RBMS3: variants seen among roughly 807,000 people sequenced by gnomAD.
RBMS3 encodes RNA-binding motif, single-stranded-interacting protein 3.
A neutral mutation model predicts 66.8 loss-of-function variants in RBMS3; 27 were observed. The observed-to-expected ratio is 0.40, with a 90% CI of 0.30 to 0.56. RBMS3 has a LOEUF of 0.56. Ranked by LOEUF, RBMS3 falls within the 20% of genes least tolerant of loss-of-function variation. The pLI is 0.40. For missense variants in RBMS3, 513 were observed against 549.5 expected, an observed-to-expected ratio of 0.93 and a Z score of 0.66; for synonymous variants, 188 against 183.0, an observed-to-expected ratio of 1.03 and a Z score of -0.22.
At chr3:29,769,311 G>A (rs1481750257) in intron 6 of RBMS3, among the ~76,000 whole-genome samples, 1 of 151,918 alleles carries the variant, frequency 6.6e-6, no homozygotes, top group Non-Finnish European at 1.5e-5. Context: ...CATAAAGCCA[G>A]TAAAGTGAAG....
intron 4 of RBMS3, among the ~76,000 whole-genome samples, chr3:29,650,524 C>T (rs1449723614): frequency 6.6e-6 from 1 of 152,108 alleles, no homozygotes; most frequent in Non-Finnish European, 1.5e-5. Context: ...CACTCCTGGG[C>T]TCAAATGATC....
At chr3:29,476,910 T>G (rs1181171206) in intron 2 of RBMS3, among the ~76,000 whole-genome samples, 2 of 152,172 alleles carry the variant, frequency 1.3e-5, no homozygotes, top group Non-Finnish European at 2.9e-5. Flanking sequence ...CTCAGAAAGA[T>G]TCTACAGACA....
intron 10 of RBMS3, among the ~76,000 whole-genome samples, chr3:29,906,076 CT>C (rs2060370392): frequency 6.6e-6 from 1 of 152,040 alleles, no homozygotes. Flanking sequence ...AGAAAAAGAA[CT>C]TTTCGTCTAC....
At chr3:29,557,614 G>A (rs1477834819) in intron 3 of RBMS3, among the ~76,000 whole-genome samples, 1 of 152,186 alleles carries the variant, frequency 6.6e-6, no homozygotes, top group Non-Finnish European at 1.5e-5. Context: ...CTCACACAAA[G>A]GGACTGACAC....
chr3:29,595,269 G>A (rs2047903767), intron 4 of RBMS3, among the ~76,000 whole-genome samples: 1 of 151,672 alleles, frequency 6.6e-6, no homozygotes, highest in Non-Finnish European at 1.5e-5. Context: ...CGTGGTGGTG[G>A]GGACCTGTAA....
chr3:29,710,391 C>A (rs1288660534), intron 4 of RBMS3, among the ~76,000 whole-genome samples: 2 of 152,172 alleles, frequency 1.3e-5, no homozygotes, highest in African/African-American at 4.8e-5. Context: ...ACTAGCACTA[C>A]TACATACATT....
intron 1 of RBMS3, among the ~76,000 whole-genome samples, chr3:29,361,769 ACTTCT>A (rs938201311): frequency 2.0e-5 from 3 of 151,682 alleles, no homozygotes; most frequent in Non-Finnish European, 4.4e-5. Flanking sequence ...TTTTCTCTAA[ACTTCT>A]CTTCTCTCTT....
chr3:29,924,454 A>C (rs1449232878), intron 10 of RBMS3, among the ~76,000 whole-genome samples: 1 of 152,002 alleles, frequency 6.6e-6, no homozygotes, highest in Non-Finnish European at 1.5e-5. Context: ...ATGACATCTG[A>C]AGAGAGTATT....
intron 3 of RBMS3, among the ~76,000 whole-genome samples, chr3:29,572,187 G>T (rs2046972968): frequency 6.6e-6 from 1 of 152,040 alleles, no homozygotes; most frequent in African/African-American, 2.4e-5. Flanking sequence ...AGTCTTTTAA[G>T]TTTTTTCAAA....
At chr3:29,480,120 G>A (rs115631669) in intron 2 of RBMS3, among the ~76,000 whole-genome samples, 2 of 152,310 alleles carry the variant, frequency 1.3e-5, no homozygotes, top group African/African-American at 4.8e-5. Context: ...GATTGAGGGC[G>A]AAGGCAGATC....
At chr3:29,931,728 A>G (rs2061132652) in intron 10 of RBMS3, among the ~76,000 whole-genome samples, 1 of 152,194 alleles carries the variant, frequency 6.6e-6, no homozygotes, top group Non-Finnish European at 1.5e-5. Flanking sequence ...GTTGCATGCT[A>G]ATACTGCAGA....
chr3:29,849,823 TA>T (rs1209811631), intron 6 of RBMS3, among the ~76,000 whole-genome samples: 1 of 152,206 alleles, frequency 6.6e-6, no homozygotes, highest in Non-Finnish European at 1.5e-5. Context: ...CTCACCTATG[TA>T]ACAGAAAATT....
In RBMS3 at chr3:29,307,035, G is replaced by T; in HGVS notation, c.75+25279G>T. 1.3e-5 allele frequency among the ~76,000 whole-genome samples: 2 copies of T among 151,850 alleles called. 1 individual carries two copies. The highest frequency in any genetic ancestry group is 6.8e-3 in the Middle Eastern group (2 of 294). On this transcript the variant is annotated intron_variant, in intron 1 of 14. Transcript: ENST00000383767. ...AAAAAACACACAATTAAAAGAAAAC[G>T]CACTGTTTTAAAATTATATTCACTG...
intron 4 of RBMS3, chr3:29,730,906 G>A (rs1422866650): frequency 2.0e-6 from 2 of 985,146 alleles, no homozygotes; most frequent in African/African-American, 3.5e-5. Flanking sequence ...CATCACATCA[G>A]GGCTGATAAC....
chr3:29,708,686 G>A (rs9857431), intron 4 of RBMS3, among the ~76,000 whole-genome samples: 1,884 of 152,132 alleles, frequency 0.012, 35 homozygotes, highest in African/African-American at 0.038. Flanking sequence ...CAATTCGGTC[G>A]TCTCTGATGG....
chr3:29,712,320 A>T (rs917832926), intron 4 of RBMS3, among the ~76,000 whole-genome samples: 2 of 151,628 alleles, frequency 1.3e-5, no homozygotes, highest in African/African-American at 2.4e-5. Flanking sequence ...ATTTATTATT[A>T]TTATTATTTT....
intron 4 of RBMS3, among the ~76,000 whole-genome samples, chr3:29,622,990 G>A (rs192645112): frequency 8.6e-5 from 13 of 151,498 alleles, no homozygotes; most frequent in Admixed American, 2.6e-4. Flanking sequence ...GGTGGCGGGC[G>A]CCTGTAGTCC....
chr3:29,348,808 G>A (rs1286386600), intron 1 of RBMS3, among the ~76,000 whole-genome samples: 2 of 152,130 alleles, frequency 1.3e-5, no homozygotes, highest in South Asian at 2.1e-4. Context: ...AGAATGTGCA[G>A]CTCCCATTCA....
At chr3:29,958,928 T>C (rs1386207349) in intron 12 of RBMS3, among the ~76,000 whole-genome samples, 5 of 152,178 alleles carry the variant, frequency 3.3e-5, no homozygotes, top group Non-Finnish European at 4.4e-5. Context: ...AAGTTCAGCT[T>C]TTGTGTTCAT....
Sources: allele counts gnomAD v4.1 joint callset (sites outside exome capture counted in the v4.1 genomes callset), GRCh38; gene constraint gnomAD v4.1.1; transcripts MANE v1.5; gene names NCBI Gene and HGNC (gene_info 2026-07-23, HGNC 2026-07-21).